Variants in TESC observed in about 807,000 individuals in gnomAD.
TESC encodes the protein tescalcin, also known as calcineurin B homologous protein 3.
Under a neutral mutation model 31.0 loss-of-function variants are expected in TESC, and 19 were observed. The ratio of observed to expected loss-of-function variants is 0.61; its 90% CI spans 0.43 to 0.90. The LOEUF (loss-of-function observed/expected upper bound fraction) is 0.90. Among genes scored for constraint, TESC ranks in the 40% least tolerant of loss-of-function variants. TESC has a pLI of 0.00. For missense variants in TESC, 248 were observed against 303.8 expected (o/e 0.82, Z 1.36); for synonymous variants, 109 against 114.8 (o/e 0.95, Z 0.32).
chr12:117,058,555 G>A (rs1954760912), intron 2 of TESC, among the ~76,000 whole-genome samples: 1 of 131,252 alleles, frequency 7.6e-6, no homozygotes, highest in Non-Finnish European at 1.5e-5. Context: ...TTACATTTCA[G>A]TAAAGCTGTT....
At chr12:117,083,618 G>A (rs769735291) in intron 1 of TESC, among the ~76,000 whole-genome samples, 5 of 152,212 alleles carry the variant, frequency 3.3e-5, no homozygotes, top group African/African-American at 4.8e-5. Context: ...ATAATCACAC[G>A]ATGTGAAAGA....
chr12:117,050,787 C>T (rs1370556815), intron 3 of TESC, among the ~76,000 whole-genome samples: 2 of 152,114 alleles, frequency 1.3e-5, no homozygotes, highest in Admixed American at 6.5e-5. Flanking sequence ...TAGATGGGTG[C>T]GGTGGTGTGC....
chr12:117,097,924 TTA>T (rs1955417256), intron 1 of TESC, among the ~76,000 whole-genome samples: 1 of 152,198 alleles, frequency 6.6e-6, no homozygotes, highest in South Asian at 2.1e-4. Flanking sequence ...GGGTACCATA[TTA>T]TATATGCTGA....
intron 2 of TESC, among the ~76,000 whole-genome samples, chr12:117,069,982 C>A (rs569481586): frequency 1.3e-5 from 2 of 152,308 alleles, no homozygotes; most frequent in South Asian, 4.1e-4. Flanking sequence ...GGAGGTGGCA[C>A]CCTCTCCCCC....
chr12:117,093,123 C>T (rs916225808), intron 1 of TESC, among the ~76,000 whole-genome samples: 3 of 152,194 alleles, frequency 2.0e-5, no homozygotes, highest in African/African-American at 4.8e-5. Context: ...TCAGACCCTT[C>T]CTCCCGCTAT....
chr12:117,098,136 C>CAG (rs1195946208), intron 1 of TESC, among the ~76,000 whole-genome samples: 1 of 152,176 alleles, frequency 6.6e-6, no homozygotes, highest in East Asian at 1.9e-4. Context: ...ACAGCTGGGC[C>CAG]ACCCTCTCTT....
intron 2 of TESC, among the ~76,000 whole-genome samples, chr12:117,057,924 A>G (rs1370908298): frequency 6.6e-6 from 1 of 152,192 alleles, no homozygotes; most frequent in Non-Finnish European, 1.5e-5. Context: ...TCTAAAAAAC[A>G]TGATGCTAAG....
chr12:117,069,302 T>TG (rs1435877595), intron 2 of TESC, among the ~76,000 whole-genome samples: 5 of 152,168 alleles, frequency 3.3e-5, no homozygotes, highest in African/African-American at 4.8e-5. Context: ...TGCAGTGTCA[T>TG]GATCTCAGCT....
intron 1 of TESC, among the ~76,000 whole-genome samples, chr12:117,097,597 A>G (rs1955412631): frequency 1.3e-5 from 2 of 152,220 alleles, no homozygotes. Flanking sequence ...TAAGAGCTAG[A>G]GGAATCCCTC....
intron 1 of TESC, among the ~76,000 whole-genome samples, chr12:117,079,125 A>C (rs1955111185): frequency 6.6e-6 from 1 of 152,156 alleles, no homozygotes; most frequent in South Asian, 2.1e-4. Context: ...CTGGCAGAAA[A>C]CATGTAGTTC....
At chr12:117,091,911 G>GA (rs1222194028) in intron 1 of TESC, among the ~76,000 whole-genome samples, 2 of 152,204 alleles carry the variant, frequency 1.3e-5, no homozygotes, top group African/African-American at 4.8e-5. Flanking sequence ...CCGACTCTCA[G>GA]AGTCTCAGTC....
intron 1 of TESC, among the ~76,000 whole-genome samples, chr12:117,087,913 C>A (rs1341450765): frequency 1.3e-5 from 2 of 152,160 alleles, no homozygotes; most frequent in Non-Finnish European, 2.9e-5. Flanking sequence ...CAGCCAAATG[C>A]CTGGAATTAT....
chr12:117,055,156 T>C (rs1954702460), intron 3 of TESC, among the ~76,000 whole-genome samples: 1 of 152,190 alleles, frequency 6.6e-6, no homozygotes, highest in Non-Finnish European at 1.5e-5. Flanking sequence ...CTTTATTTTA[T>C]TTTGAGACAG....
chr12:117,061,961 G>C lies in TESC; in HGVS notation c.129-5075C>G, dbSNP rs577333213. ...GGTAACATGATGGGGCTAATGAGATGATCAAATGAGATAAATCCACATAAG... is the reference window on the plus strand; with the variant it reads ...GGTAACATGATGGGGCTAATGAGATCATCAAATGAGATAAATCCACATAAG... On this transcript the variant is annotated intron_variant, in intron 2 of 7. Coordinates refer to ENST00000335209, the MANE Select transcript of TESC (RefSeq NM_017899.4). 4.6e-5 allele frequency among the ~76,000 whole-genome samples: 7 copies of C among 152,282 alleles called. No individual in the cohort carries two copies. In the South Asian group the frequency reaches 1.5e-3, roughly 32 times the overall value.
At chr12:117,090,560 T>C (rs1470420613) in intron 1 of TESC, among the ~76,000 whole-genome samples, 3 of 152,186 alleles carry the variant, frequency 2.0e-5, no homozygotes, top group Admixed American at 2.0e-4. Context: ...CAGGTTCTAT[T>C]TTTGCTGTCA....
At chr12:117,095,148 C>T (rs1236417805) in intron 1 of TESC, among the ~76,000 whole-genome samples, 2 of 152,006 alleles carry the variant, frequency 1.3e-5, no homozygotes, top group Non-Finnish European at 2.9e-5. Flanking sequence ...GCTCTCAGCT[C>T]ACCGCAACCT....
intron 7 of TESC, 105 bp from the exon 8 acceptor site, chr12:117,039,315 A>G: frequency 9.2e-7 from 1 of 1,090,886 alleles, no homozygotes; most frequent in Non-Finnish European, 1.4e-6. Flanking sequence ...CCTGCCACCA[A>G]CTGTGATGTT....
chr12:117,068,246 G>A (rs1954914356), intron 2 of TESC, among the ~76,000 whole-genome samples: 1 of 151,976 alleles, frequency 6.6e-6, no homozygotes, highest in African/African-American at 2.4e-5. Flanking sequence ...ACACTGCTGA[G>A]GGCCTGGGTG....
chr12:117,045,420 G>A (rs1479469619), intron 6 of TESC, among the ~76,000 whole-genome samples: 1 of 152,268 alleles, frequency 6.6e-6, no homozygotes, highest in Non-Finnish European at 1.5e-5. Context: ...TGAACAAGGA[G>A]AGTGTAATTA....
Sources: allele counts gnomAD v4.1 joint callset (sites outside exome capture counted in the v4.1 genomes callset), GRCh38; gene constraint gnomAD v4.1.1; transcripts MANE v1.5; gene names NCBI Gene and HGNC (gene_info 2026-07-23, HGNC 2026-07-21).